CTDSPL2: variants seen among roughly 807,000 people sequenced by gnomAD.
The protein encoded by CTDSPL2 is CTD small phosphatase like 2.
A neutral mutation model predicts 60.0 loss-of-function variants in CTDSPL2; 5 were observed. That is an observed-to-expected ratio of 0.08 (90% CI 0.04 to 0.18). The LOEUF (loss-of-function observed/expected upper bound fraction) is 0.18, where lower values mean the gene tolerates loss of function less well. Among genes scored for constraint, CTDSPL2 ranks in the 10% least tolerant of loss-of-function variants. CTDSPL2 has a pLI of 1.00. For missense variants in CTDSPL2, 370 were observed against 548.8 expected, an observed-to-expected ratio of 0.67 and a Z score of 3.26; for synonymous variants, 186 against 189.3, an observed-to-expected ratio of 0.98 and a Z score of 0.14.
At chr15:44,519,399 G>A in intron 11 of CTDSPL2, 104 bp downstream of exon 11, 13 of 1,009,786 alleles carry the variant, frequency 1.3e-5, no homozygotes, top group South Asian at 1.8e-5. Context: ...ATTTTCACTG[G>A]TGGAATTTCC....
At chr15:44,521,495 C>T (rs1484011103) in intron 12 of CTDSPL2, 89 bp downstream of exon 12, 11 of 727,692 alleles carry the variant, frequency 1.5e-5, no homozygotes, top group Non-Finnish European at 2.2e-5. Context: ...TTTGTGTGTA[C>T]TGACTTATAA....
rs71111859 is a variant in CTDSPL2 at position 44,446,754 on chromosome 15, C to CT, written c.-24-12218dup. On this transcript the variant is annotated intron_variant, in intron 1 of 12. Coordinates refer to ENST00000260327, the MANE Select transcript of CTDSPL2 (RefSeq NM_016396.3). ...AAAGGGAAATTGGAATCTTGGGGAACTTTTTTTTTTTTTTTTTTTGAGACG... is the reference window on the plus strand; with the variant it reads ...AAAGGGAAATTGGAATCTTGGGGAACTTTTTTTTTTTTTTTTTTTTGAGACG... Among the ~76,000 whole-genome samples, 459 of 73,542 alleles carry CT rather than the reference C, an allele frequency of 6.2e-3. 9 individuals carry two copies. Among genetic ancestry groups the CT allele is most frequent in the African/African-American group, 0.022 (429 of 19,350 alleles). The allele number at this position is 73,542 out of a possible 152,430, so 48.2% of individuals were successfully genotyped here.
At chr15:44,454,370 G>A (rs2080391960) in intron 1 of CTDSPL2, among the ~76,000 whole-genome samples, 1 of 152,082 alleles carries the variant, frequency 6.6e-6, no homozygotes, top group African/African-American at 2.4e-5. Context: ...CTCCCATTCT[G>A]TAGGTTGCCT....
chr15:44,520,081 A>C (rs1871359456), intron 11 of CTDSPL2: 1 of 149,938 alleles, frequency 6.7e-6, no homozygotes, highest in African/African-American at 2.5e-5. Context: ...CTGATGAGTC[A>C]TCCTTTCAAG....
chr15:44,466,147 C>T (rs369489811), intron 2 of CTDSPL2, among the ~76,000 whole-genome samples: 1 of 151,154 alleles, frequency 6.6e-6, no homozygotes, highest in East Asian at 1.9e-4. Flanking sequence ...ATGTTGGCCA[C>T]GCTGGTCTCG....
At position 44,527,880 on chromosome 15, in the gene CTDSPL2, G is replaced by A. The variant is rs534851787; in HGVS notation, c.*3706G>A. On this transcript the variant is annotated 3_prime_UTR_variant, in exon 13 of 13. Coordinates refer to ENST00000260327, the MANE Select transcript of CTDSPL2 (RefSeq NM_016396.3). ...TATAATTGAGTATAGTATTTTTTTA[G>A]TGCTGATGTCATTACTTCTCATGTC... is the stretch of plus-strand genomic sequence containing the variant. 6.6e-6 allele frequency: 1 copy of A among 152,174 alleles called. No individual in the cohort carries two copies. Among genetic ancestry groups the A allele is most frequent in the African/African-American group, 2.4e-5 (1 of 41,514 alleles). The allele number at this position is 152,174 out of a possible 1,614,324, so 9.4% of individuals were successfully genotyped here.
intron 3 of CTDSPL2, 58 bp downstream of exon 3, chr15:44,484,420 C>T (rs1446718434): frequency 7.5e-6 from 11 of 1,475,658 alleles, no homozygotes; most frequent in African/African-American, 5.6e-5. Context: ...TCACCTGACA[C>T]ATTTCTTATC....
intron 10 of CTDSPL2, chr15:44,517,543 C>G (rs2081679280): frequency 1.3e-5 from 2 of 151,924 alleles, no homozygotes; most frequent in South Asian, 2.1e-4. Flanking sequence ...GTTTCTAACA[C>G]AAGTCTGTAC....
chr15:44,479,611 G>T (rs770828041), intron 2 of CTDSPL2, among the ~76,000 whole-genome samples: 7 of 151,798 alleles, frequency 4.6e-5, no homozygotes, highest in Non-Finnish European at 1.0e-4. Flanking sequence ...ATCTTGCTGT[G>T]TTGCCCAAGC....
At chr15:44,500,098 A>G (rs2081362007) in intron 8 of CTDSPL2, among the ~76,000 whole-genome samples, 1 of 152,234 alleles carries the variant, frequency 6.6e-6, no homozygotes, top group South Asian at 2.1e-4. Flanking sequence ...CACTGACATC[A>G]TAGATCCTCA....
chr15:44,465,617 G>C (rs1389747557), intron 2 of CTDSPL2, among the ~76,000 whole-genome samples: 1 of 150,770 alleles, frequency 6.6e-6, no homozygotes, highest in Admixed American at 6.6e-5. Flanking sequence ...AAATTTCTTA[G>C]TTTGAAAAAC....
intron 6 of CTDSPL2, 50 bp from the exon 7 acceptor site, chr15:44,496,977 A>G (rs377229467): frequency 9.5e-7 from 1 of 1,050,254 alleles, no homozygotes; most frequent in South Asian, 1.4e-5. Context: ...GTAATGTTCT[A>G]TATGTATAAA....
In CTDSPL2 at chr15:44,506,317, A is replaced by G. The variant is rs568634370; in HGVS notation, c.969+6504A>G. Among the ~76,000 whole-genome samples the G allele has an allele frequency of 3.3e-3, 507 of 151,842 alleles. 2 individuals are homozygous for G. The highest frequency in any genetic ancestry group is 6.6e-3 in the Non-Finnish European group (446 of 67,932). Reference sequence around the variant, plus strand: ...AATGCTGGGATTACCGGCATGAGGCATGAGCCACCATGCCCAGCCCCATTG... The same window carrying G: ...AATGCTGGGATTACCGGCATGAGGCGTGAGCCACCATGCCCAGCCCCATTG... On this transcript the variant is annotated intron_variant, in intron 8 of 12. Coordinates refer to ENST00000260327, the MANE Select transcript of CTDSPL2 (RefSeq NM_016396.3).
In CTDSPL2 at chr15:44,526,743, G is replaced by T. The variant is rs1227553138; in HGVS notation, c.*2569G>T. 6.6e-6 allele frequency: 1 copy of T among 151,922 alleles called. No homozygotes were observed. Among genetic ancestry groups the T allele is most frequent in the Non-Finnish European group, 1.5e-5 (1 of 67,924 alleles). The allele number at this position is 151,922 out of a possible 1,614,324, so 9.4% of individuals were successfully genotyped here. ...GGTAGATGTAAAAAACTTCCATTTA[G>T]TTAATCGGAGGTGTGTATTTTTTAA... is the stretch of plus-strand genomic sequence containing the variant. On this transcript the variant is annotated 3_prime_UTR_variant, in exon 13 of 13. Transcript: ENST00000260327.
At chr15:44,463,847 T>C (rs2140714455) in intron 2 of CTDSPL2, among the ~76,000 whole-genome samples, 1 of 152,326 alleles carries the variant, frequency 6.6e-6, no homozygotes, top group East Asian at 1.9e-4. Context: ...AGTTCACAGC[T>C]AAAACCTATT....
At chr15:44,523,709 C>T (rs559240746) in intron 12 of CTDSPL2, among the ~76,000 whole-genome samples, 1 of 152,124 alleles carries the variant, frequency 6.6e-6, no homozygotes, top group Non-Finnish European at 1.5e-5. Flanking sequence ...ACCAGCCTGG[C>T]CAACATGGTG....
rs1311584892 is a variant in CTDSPL2, at chr15:44,510,048, G to A, written c.970-4550G>A. ...GTTGCCCAGACTGGAGTGCAGTAGC[G>A]CATCTTGGCTCACTGCAACCTCTGT... On this transcript the variant is annotated intron_variant, in intron 8 of 12. Coordinates refer to ENST00000260327, the MANE Select transcript of CTDSPL2 (RefSeq NM_016396.3). Among the ~76,000 whole-genome samples the A allele has an allele frequency of 2.6e-5, 4 of 150,994 alleles. No individual in the cohort carries two copies. In the South Asian group the frequency reaches 6.3e-4, roughly 24 times the overall value.
chr15:44,519,039 TG>T (rs1712823850), intron 10 of CTDSPL2, 129 bp from the exon 11 acceptor site: 3 of 512,392 alleles, frequency 5.9e-6, no homozygotes, highest in Non-Finnish European at 9.4e-6. Context: ...CCCATATTTG[TG>T]TTTGAATTTC....
chr15:44,492,716 T>C (rs910060155), intron 5 of CTDSPL2, among the ~76,000 whole-genome samples: 2 of 152,206 alleles, frequency 1.3e-5, no homozygotes, highest in Non-Finnish European at 2.9e-5. Context: ...GAAAGATTCA[T>C]ATGTATAATG....
Sources: gnomAD v4.1 joint callset for allele counts (sites outside exome capture counted in the v4.1 genomes callset) on GRCh38, gnomAD v4.1.1 for gene constraint, MANE v1.5 for transcripts, NCBI Gene and HGNC (gene_info 2026-07-23, HGNC 2026-07-21) for gene names.